The following CCDC148 variants were observed in gnomAD, a reference collection of about 807,000 sequenced individuals.
The protein encoded by CCDC148 is coiled-coil domain-containing protein 148.
In CCDC148, 89 loss-of-function variants were observed where a neutral mutation model predicts 85.7. The ratio of observed to expected loss-of-function variants is 1.04; its 90% CI spans 0.87 to 1.24. The LOEUF (loss-of-function observed/expected upper bound fraction) is 1.24. CCDC148 is among the 50% of genes most tolerant of loss of function. The pLI is 0.00. For synonymous variants in CCDC148, 230 were observed against 213.9 expected, an observed-to-expected ratio of 1.08 and a Z score of -0.66; for missense variants, 692 against 671.7, an observed-to-expected ratio of 1.03 and a Z score of -0.33.
At chr2:158,313,630 T>G in intron 8 of CCDC148, 126 bp downstream of exon 8, 1 of 994,492 alleles carries the variant, frequency 1.0e-6, no homozygotes, top group Non-Finnish European at 1.4e-6. Flanking sequence ...ATAACCCTAT[T>G]ATTTTCTAGA....
chr2:158,357,158 A>G (rs1275938997), intron 2 of CCDC148, among the ~76,000 whole-genome samples: 2 of 151,768 alleles, frequency 1.3e-5, no homozygotes, highest in Admixed American at 6.6e-5. Context: ...GCAGTGCACC[A>G]GAATGGCACA....
intron 11 of CCDC148, among the ~76,000 whole-genome samples, chr2:158,209,912 A>G (rs1686467627): frequency 6.6e-6 from 1 of 152,234 alleles, no homozygotes; most frequent in South Asian, 2.1e-4. Context: ...ACTAATGGGC[A>G]AAATAACCAG....
intron 7 of CCDC148, among the ~76,000 whole-genome samples, chr2:158,327,704 C>G (rs562123647): frequency 6.6e-6 from 1 of 152,222 alleles, no homozygotes; most frequent in Non-Finnish European, 1.5e-5. Context: ...ATATTTTAAT[C>G]CTGTGAATTT....
chr2:158,387,829 G>A (rs987030650), intron 1 of CCDC148, among the ~76,000 whole-genome samples: 2 of 152,070 alleles, frequency 1.3e-5, no homozygotes, highest in Admixed American at 6.6e-5. Flanking sequence ...ACCCATATCA[G>A]GCCGCCCTTA....
chr2:158,184,337 T>G (rs749011650), intron 11 of CCDC148, among the ~76,000 whole-genome samples: 12 of 152,116 alleles, frequency 7.9e-5, no homozygotes, highest in Non-Finnish European at 1.3e-4. Flanking sequence ...ATCTTTTAAT[T>G]GATTAATTAG....
intron 1 of CCDC148, among the ~76,000 whole-genome samples, chr2:158,388,472 T>G (rs1032214015): frequency 6.6e-6 from 1 of 152,010 alleles, no homozygotes; most frequent in Non-Finnish European, 1.5e-5. Flanking sequence ...GTGTTTATGT[T>G]TTTCTATCTT....
intron 7 of CCDC148, among the ~76,000 whole-genome samples, chr2:158,334,201 T>C (rs1693303557): frequency 6.6e-6 from 1 of 152,290 alleles, no homozygotes; most frequent in Admixed American, 6.5e-5. Flanking sequence ...TTATGAATTA[T>C]GGTTCAGGGT....
chr2:158,332,494 C>A (rs1008968852), intron 7 of CCDC148, among the ~76,000 whole-genome samples: 1 of 138,588 alleles, frequency 7.2e-6, no homozygotes, highest in Non-Finnish European at 1.6e-5. Context: ...CTGAAATTTT[C>A]TTTTTTTGTC....
intron 1 of CCDC148, among the ~76,000 whole-genome samples, chr2:158,407,744 T>C (rs1686086946): frequency 6.6e-6 from 1 of 152,186 alleles, no homozygotes; most frequent in South Asian, 2.1e-4. Flanking sequence ...CACTATTATA[T>C]GTCTGGGTTC....
At chr2:158,185,438 T>G (rs940248983) in intron 11 of CCDC148, among the ~76,000 whole-genome samples, 2 of 152,156 alleles carry the variant, frequency 1.3e-5, no homozygotes, top group African/African-American at 4.8e-5. Context: ...ATGAACCACC[T>G]TCTTTGAGAA....
In CCDC148 at chr2:158,276,168, C is replaced by A. The variant is rs549911779; in HGVS notation, c.1111-25256G>T. Among the ~76,000 whole-genome samples, 10 of 152,256 alleles carry A rather than the reference C, an allele frequency of 6.6e-5. No individual in the cohort carries two copies. The South Asian group carries it at 1.5e-3, about 22-fold the overall frequency. On this transcript the variant is annotated intron_variant, in intron 9 of 13. Coordinates refer to ENST00000283233, the MANE Select transcript of CCDC148 (RefSeq NM_138803.4). ...AAAACCGCCTTGCCTCAGTGGCTCA[C>A]GCCTGTAATCCCAGCACTTTGGGAG... is the stretch of plus-strand genomic sequence containing the variant.
chr2:158,238,571 T>C (rs1406741217), intron 10 of CCDC148, among the ~76,000 whole-genome samples: 2 of 152,198 alleles, frequency 1.3e-5, no homozygotes, highest in Admixed American at 1.3e-4. Flanking sequence ...ACTATGATCA[T>C]ATTATAATGG....
intron 9 of CCDC148, among the ~76,000 whole-genome samples, chr2:158,295,946 C>T (rs573594946): frequency 5.9e-5 from 9 of 152,194 alleles, no homozygotes; most frequent in Admixed American, 4.6e-4. Context: ...TCCCTGTTTT[C>T]TTATTAAGTT....
chr2:158,432,993 C>CT (rs1406435820), intron 1 of CCDC148, among the ~76,000 whole-genome samples: 1 of 146,388 alleles, frequency 6.8e-6, no homozygotes, highest in Non-Finnish European at 1.5e-5. Flanking sequence ...ATCCCAGCAT[C>CT]TTGGGAGGCC....
At chr2:158,176,448 C>A in intron 13 of CCDC148, 73 bp downstream of exon 13, 2 of 1,455,250 alleles carry the variant, frequency 1.4e-6, no homozygotes, top group Non-Finnish European at 1.9e-6. Flanking sequence ...CTGTTGTAAC[C>A]CCAAACACAC....
intron 9 of CCDC148, among the ~76,000 whole-genome samples, chr2:158,281,807 G>T (rs547144249): frequency 2.3e-4 from 35 of 152,096 alleles, no homozygotes; most frequent in East Asian, 5.8e-4. Flanking sequence ...TACCAAAGCC[G>T]GGCAGAGACA....
chr2:158,255,185 A>T (rs1396756077), intron 9 of CCDC148, among the ~76,000 whole-genome samples: 3 of 151,708 alleles, frequency 2.0e-5, no homozygotes, highest in Non-Finnish European at 4.4e-5. Context: ...CAGCCTTCAG[A>T]AACTAAATTG....
intron 12 of CCDC148, chr2:158,177,984 T>C (rs1201772734): frequency 2.0e-5 from 3 of 152,164 alleles, no homozygotes; most frequent in Admixed American, 6.6e-5. Flanking sequence ...AAGAGGGCTT[T>C]ACACTTAGTA....
intron 1 of CCDC148, among the ~76,000 whole-genome samples, chr2:158,401,229 C>T (rs972823722): frequency 3.3e-5 from 5 of 152,130 alleles, no homozygotes; most frequent in African/African-American, 1.2e-4. Context: ...ATAAATCATT[C>T]TACTATAAAG....
Sources: allele counts gnomAD v4.1 joint callset (sites outside exome capture counted in the v4.1 genomes callset), GRCh38; gene constraint gnomAD v4.1.1; transcripts MANE v1.5; gene names NCBI Gene and HGNC (gene_info 2026-07-23, HGNC 2026-07-21).